Variants in RARG observed in about 807,000 individuals in gnomAD.
The protein encoded by RARG is retinoic acid receptor gamma, also known as RAR-gamma.
RARG carries 17 observed loss-of-function variants against 43.7 expected under a neutral mutation model. That is an observed-to-expected ratio of 0.39 (90% confidence interval 0.27 to 0.58). The LOEUF (loss-of-function observed/expected upper bound fraction) is 0.58, where lower values mean the gene tolerates loss of function less well. Ranked by LOEUF, RARG falls within the 20% of genes least tolerant of loss-of-function variation. RARG has a pLI of 0.57. For missense variants in RARG, 346 were observed against 598.7 expected (o/e 0.58, Z 4.40); for synonymous variants, 238 against 236.4 (o/e 1.01, Z -0.06).
intron 3 of RARG, chr12:53,220,024 A>C: frequency 6.5e-7 from 1 of 1,535,762 alleles, no homozygotes; most frequent in Non-Finnish European, 8.8e-7. Context: ...GGCTCTGCGC[A>C]GCAAGCCGGC....
chr12:53,229,553 T>C (rs2120740536), intron 2 of RARG, among the ~76,000 whole-genome samples: 1 of 152,270 alleles, frequency 6.6e-6, no homozygotes, highest in South Asian at 2.1e-4. Flanking sequence ...TCGCAGGCCC[T>C]AAAAGTCTGA....
intron 3 of RARG, among the ~76,000 whole-genome samples, chr12:53,218,793 C>A (rs1355015460): frequency 6.6e-6 from 1 of 152,006 alleles, no homozygotes; most frequent in Non-Finnish European, 1.5e-5. Context: ...GCGCCCGCCG[C>A]CCCGCCCGCT....
In RARG at chr12:53,211,688, C is replaced by T; in HGVS notation, c.1353G>A (p.Lys451=). The T allele has an allele frequency of 6.5e-7, 1 of 1,531,468 alleles. No individual in the cohort carries two copies. The allele number at this position is 1,531,468 out of a possible 1,614,324, so 94.9% of individuals were successfully genotyped here. ...VPGGQGKGGL[K]SPA The stretch of plus-strand genomic sequence containing the variant: ...TCAGGGGCCCTGGTCAGGCTGGGGA[C>T]TTCAGGCCCCCTTTGCCCTGGCCCC... The change falls in exon 10 of 10, where the codon AAG becomes AAA. Residue 451 remains lysine, a synonymous_variant. Coordinates refer to ENST00000425354, the MANE Select transcript of RARG (RefSeq NM_000966.6). This position sits in a 1 kb window ranked among gnomAD's most constrained non-coding sequence, Gnocchi z 4.6.
At chr12:53,222,422 T>A (rs1254178985) in intron 3 of RARG, among the ~76,000 whole-genome samples, 2 of 151,800 alleles carry the variant, frequency 1.3e-5, no homozygotes, top group East Asian at 3.9e-4. Context: ...AGAGCCTTGA[T>A]TAGTCAACTT....
chr12:53,227,589 G>A lies in RARG; in HGVS notation c.-44C>T. On this transcript the variant is annotated 5_prime_UTR_variant, in exon 3 of 10. Transcript: ENST00000425354. This position sits in a 1 kb window ranked among gnomAD's most constrained non-coding sequence, Gnocchi z 4.3. Reference sequence around the variant, plus strand: ...GTCCCCTGGGGTCTGCAGTGGGCGGGCGAGGTCTTCAGCCACAGCCCCTGC... The same window carrying A: ...GTCCCCTGGGGTCTGCAGTGGGCGGACGAGGTCTTCAGCCACAGCCCCTGC... The A allele has an allele frequency of 6.9e-7, 1 of 1,444,628 alleles. No individual in the cohort carries two copies. Among genetic ancestry groups the A allele is most frequent in the Non-Finnish European group, 9.1e-7 (1 of 1,096,982 alleles). The allele number at this position is 1,444,628 out of a possible 1,614,324, so 89.5% of individuals were successfully genotyped here.
intron 3 of RARG, chr12:53,219,917 C>T (rs1490371587): frequency 5.4e-6 from 8 of 1,476,164 alleles, no homozygotes; most frequent in East Asian, 2.4e-5. Context: ...CTCTCCTGCA[C>T]CCTACACCCC....
chr12:53,227,507 G>A lies in RARG; in HGVS notation c.39C>T (p.Ala13=). The change falls in exon 3 of 10, where the codon GCC becomes GCT. Residue 13 remains alanine, a synonymous_variant. Coordinates refer to ENST00000425354, the MANE Select transcript of RARG (RefSeq NM_000966.6). The surrounding 1 kb of genome is among the most constrained non-coding windows in gnomAD (Gnocchi z 4.3). ...CTGGGTAGCCAGATCCAGGCCCCAG[G>A]GCACCAGCCGCAAAGAGTCGCTCCT... The part of the protein sequence containing the change: ...TNKERLFAAG[A]LGPGSGYPGA... 6.2e-7 allele frequency: 1 copy of A among 1,602,110 alleles called. No individual in the cohort carries two copies. The highest frequency in any genetic ancestry group is 8.5e-7 in the Non-Finnish European group (1 of 1,175,014).
intron 2 of RARG, among the ~76,000 whole-genome samples, chr12:53,229,620 T>C (rs564433846): frequency 6.6e-6 from 1 of 152,298 alleles, no homozygotes; most frequent in Admixed American, 6.5e-5. Context: ...TCCGAAGTTC[T>C]CATCCCTAGT....
In RARG at chr12:53,232,087, G is replaced by A; in HGVS notation, c.-323C>T. The A allele has an allele frequency of 7.5e-6, 3 of 398,634 alleles. No individual in the cohort carries two copies. Among genetic ancestry groups the A allele is most frequent in the Non-Finnish European group, 1.3e-5 (3 of 226,064 alleles). 24.7% of individuals were successfully genotyped at this position (398,634 alleles called of 1,614,324 possible). On this transcript the variant is annotated 5_prime_UTR_variant, in exon 1 of 10. Transcript: ENST00000425354. ...TCGCCGTACTGGGGGGCTCCTGGGG[G>A]GGCACGGCTCTAGGCTGGGACTGTC... is the stretch of plus-strand genomic sequence containing the variant.
At chr12:53,218,861 C>T (rs1215174804) in intron 3 of RARG, among the ~76,000 whole-genome samples, 1 of 151,740 alleles carries the variant, frequency 6.6e-6, no homozygotes, top group Non-Finnish European at 1.5e-5. Context: ...CCGGGCCGTC[C>T]GCACCCAGGC....
At chr12:53,220,994 T>G (rs1942942304) in intron 3 of RARG, among the ~76,000 whole-genome samples, 1 of 149,664 alleles carries the variant, frequency 6.7e-6, no homozygotes, top group Non-Finnish European at 1.5e-5. Flanking sequence ...GCGCGCTGCC[T>G]CCTCCTTCCT....
intron 3 of RARG, chr12:53,220,015 G>A (rs1942905068): frequency 2.0e-6 from 3 of 1,531,012 alleles, no homozygotes; most frequent in Middle Eastern, 1.7e-4. Flanking sequence ...GCCGCCGGTG[G>A]CTCTGCGCAG....
Position 53,214,229 on chromosome 12 carries a change from T to A in RARG, c.643A>T (p.Ser215Cys), listed in dbSNP as rs1224674839. The change falls in exon 7 of 10, where the codon AGT becomes TGT. Residue 215 changes from serine (S) to cysteine (C), a missense_variant. This residue lies in a region of RARG where 67 missense variants were observed against 79.6 expected (regional missense o/e 0.84). Transcript: ENST00000425354. The part of the protein sequence containing the change: ...CQLGKYTTNS[S>C]ADHRVQLDLG... ...TCCAGCTGCACGCGGTGGTCTGCAC[T>A]GGAGTTCTGCAGAGGGGAGGGGTAG... 6.2e-7 allele frequency: 1 copy of A among 1,612,638 alleles called. No individual in the cohort carries two copies. The highest frequency in any genetic ancestry group is 1.7e-5 in the Admixed American group (1 of 60,002).
intron 2 of RARG, among the ~76,000 whole-genome samples, chr12:53,230,565 G>A (rs1667886210): frequency 6.6e-6 from 1 of 152,126 alleles, no homozygotes; most frequent in South Asian, 2.1e-4. Context: ...TTGGCATTGT[G>A]CCATCCCTGG....
intron 3 of RARG, among the ~76,000 whole-genome samples, chr12:53,222,257 AG>A: frequency 7.5e-6 from 1 of 133,440 alleles, no homozygotes; most frequent in African/African-American, 3.1e-5. Flanking sequence ...AGAGAAAGAA[AG>A]AAGAAAGAAA....
intron 3 of RARG, among the ~76,000 whole-genome samples, chr12:53,221,399 CCT>C (rs1248280868): frequency 6.6e-6 from 1 of 152,168 alleles, no homozygotes; most frequent in Non-Finnish European, 1.5e-5. Flanking sequence ...TGAATCTGCC[CCT>C]GATGGCCAAC....
At chr12:53,225,099 A>C (rs1291806803) in intron 3 of RARG, among the ~76,000 whole-genome samples, 1 of 152,174 alleles carries the variant, frequency 6.6e-6, no homozygotes, top group Non-Finnish European at 1.5e-5. Flanking sequence ...CCAGAAGTAC[A>C]TTCATGTGGG....
At chr12:53,228,230 C>A (rs1330653302) in intron 2 of RARG, among the ~76,000 whole-genome samples, 1 of 152,160 alleles carries the variant, frequency 6.6e-6, no homozygotes, top group Non-Finnish European at 1.5e-5. Flanking sequence ...ACTCTAGAGC[C>A]AGACTACCTG....
chr12:53,214,638 G>A (rs1240861440), intron 5 of RARG, 32 bp from the exon 6 acceptor site: 4 of 1,575,280 alleles, frequency 2.5e-6, no homozygotes, highest in Non-Finnish European at 2.6e-6. Flanking sequence ...AGAGGGTCAG[G>A]ACCCTCAGAG....
Sources: gnomAD v4.1 joint callset for allele counts (sites outside exome capture counted in the v4.1 genomes callset) on GRCh38, gnomAD v4.1.1 for gene constraint, gnomAD v4.1.1 regional missense constraint, Gnocchi (gnomAD v3.1) non-coding constraint, MANE v1.5 for transcripts, NCBI Gene and HGNC (gene_info 2026-07-23, HGNC 2026-07-21) for gene names.